Variants in DOCK2 observed in about 807,000 individuals in gnomAD.
DOCK2 encodes dedicator of cytokinesis 2.
Under a neutral mutation model 248.9 loss-of-function variants are expected in DOCK2, and 87 were observed. The ratio of observed to expected loss-of-function variants is 0.35; its 90% CI spans 0.29 to 0.42. The LOEUF is 0.42. Ranked by LOEUF, DOCK2 falls within the 10% of genes least tolerant of loss-of-function variation. The pLI is 1.00. For synonymous variants in DOCK2, 805 were observed against 821.6 expected, an observed-to-expected ratio of 0.98 and a Z score of 0.35; for missense variants, 1,747 against 2,300.2, an observed-to-expected ratio of 0.76 and a Z score of 4.92.
chr5:169,927,145 G>T (rs1277400007), intron 27 of DOCK2, among the ~76,000 whole-genome samples: 6 of 152,222 alleles, frequency 3.9e-5, no homozygotes, highest in African/African-American at 7.2e-5. Context: ...GCAAACATTT[G>T]CAAAAGTTCA....
At chr5:169,979,981 C>A (rs1367442898) in intron 27 of DOCK2, among the ~76,000 whole-genome samples, 2 of 152,182 alleles carry the variant, frequency 1.3e-5, no homozygotes, top group Non-Finnish European at 2.9e-5. Flanking sequence ...CTTTTCAAGG[C>A]AATTCCAGGC....
chr5:169,754,357 CTCT>C (rs1164284727), intron 23 of DOCK2, among the ~76,000 whole-genome samples: 2 of 152,174 alleles, frequency 1.3e-5, no homozygotes, highest in African/African-American at 2.4e-5. Context: ...GGGTTTGATT[CTCT>C]TCTTGAGGGA....
At chr5:169,749,367 C>A (rs1283722598) in intron 23 of DOCK2, among the ~76,000 whole-genome samples, 2 of 152,044 alleles carry the variant, frequency 1.3e-5, no homozygotes, top group Non-Finnish European at 2.9e-5. Flanking sequence ...ACAAGAAGAA[C>A]CTGGGTAAAA....
intron 26 of DOCK2, among the ~76,000 whole-genome samples, chr5:169,839,105 C>T (rs1404918061): frequency 1.3e-5 from 2 of 152,164 alleles, no homozygotes; most frequent in Admixed American, 6.5e-5. Flanking sequence ...CAGCCACTAT[C>T]GATTTAGCAC....
chr5:169,856,078 A>G (rs1437632920), intron 27 of DOCK2, among the ~76,000 whole-genome samples: 2 of 152,168 alleles, frequency 1.3e-5, no homozygotes, highest in Non-Finnish European at 2.9e-5. Context: ...CTATCATGAG[A>G]ACAGCCTGGG....
At chr5:169,993,739 T>C (rs1415339523) in intron 29 of DOCK2, among the ~76,000 whole-genome samples, 24 of 152,204 alleles carry the variant, frequency 1.6e-4, no homozygotes, top group Non-Finnish European at 2.9e-5. Flanking sequence ...GCAGCTTCAG[T>C]GAGGCTTTCC....
At chr5:169,864,302 C>T (rs768005787) in intron 27 of DOCK2, 3 of 1,551,664 alleles carry the variant, frequency 1.9e-6, no homozygotes, top group Non-Finnish European at 1.7e-6. Context: ...TTCTTTTTCA[C>T]CTTCTTGGTT....
At chr5:169,677,965 C>T (rs1262874985) in intron 6 of DOCK2, among the ~76,000 whole-genome samples, 1 of 152,150 alleles carries the variant, frequency 6.6e-6, no homozygotes, top group African/African-American at 2.4e-5. Flanking sequence ...GAGTTATGGT[C>T]CACCTGGAGC....
intron 27 of DOCK2, among the ~76,000 whole-genome samples, chr5:169,894,853 C>T (rs1038661207): frequency 9.9e-5 from 15 of 152,128 alleles, no homozygotes; most frequent in African/African-American, 3.6e-4. Flanking sequence ...TGTGGCAAAT[C>T]TCAAGTAACA....
intron 30 of DOCK2, among the ~76,000 whole-genome samples, chr5:170,005,782 G>A (rs114963515): frequency 0.011 from 1,694 of 152,134 alleles, 29 homozygotes; most frequent in African/African-American, 0.037. Flanking sequence ...GGATGACAGA[G>A]AAAATGCTTT....
chr5:169,987,351 A>G (rs1206714340), intron 29 of DOCK2, among the ~76,000 whole-genome samples: 2 of 152,208 alleles, frequency 1.3e-5, no homozygotes, highest in Non-Finnish European at 2.9e-5. Context: ...TCAGGCTTGG[A>G]TTTCATGACC....
rs190434875 is a variant in DOCK2 at position 169,851,932 on chromosome 5, G to A, written c.2799+11080G>A. Among the ~76,000 whole-genome samples, 61 of 152,264 alleles carry A rather than the reference G, an allele frequency of 4.0e-4. 1 individual carries two copies. Among genetic ancestry groups the A allele is most frequent in the Admixed American group, 3.2e-3 (49 of 15,284 alleles). The stretch of plus-strand genomic sequence containing the variant: ...ATGGGGATTATGGGGATTACAATTC[G>A]AGATGAGATTTGGGTGGGGACACAG... On this transcript the variant is annotated intron_variant, in intron 27 of 51. Coordinates refer to ENST00000520908, the MANE Select transcript of DOCK2 (RefSeq NM_004946.3).
intron 34 of DOCK2, among the ~76,000 whole-genome samples, chr5:170,034,065 A>G (rs76764721): frequency 0.082 from 12,505 of 152,270 alleles, 646 homozygotes; most frequent in Non-Finnish European, 0.12. Context: ...GTCAGAGGAT[A>G]TGTGCATTTA....
intron 7 of DOCK2, among the ~76,000 whole-genome samples, chr5:169,682,809 C>G (rs547589212): frequency 8.1e-4 from 124 of 152,288 alleles, no homozygotes; most frequent in African/African-American, 2.6e-3. Flanking sequence ...TGCTCCTTCT[C>G]CAGCCCCAAG....
chr5:169,856,059 T>A (rs1204372831), intron 27 of DOCK2, among the ~76,000 whole-genome samples: 2 of 152,014 alleles, frequency 1.3e-5, no homozygotes, highest in East Asian at 3.9e-4. Context: ...TCTCATGAGA[T>A]CTCACTTGCT....
At chr5:169,974,379 G>C (rs1777638157) in intron 27 of DOCK2, among the ~76,000 whole-genome samples, 1 of 152,096 alleles carries the variant, frequency 6.6e-6, no homozygotes, top group Non-Finnish European at 1.5e-5. Context: ...TCTTTCTTCT[G>C]GTTTTTTCTT....
chr5:169,761,383 C>G, intron 24 of DOCK2, 136 bp from the exon 25 acceptor site: 2 of 675,186 alleles, frequency 3.0e-6, no homozygotes, highest in Non-Finnish European at 5.2e-6. Context: ...TTACTGAAGG[C>G]TTACCTTGCA....
intron 45 of DOCK2, among the ~76,000 whole-genome samples, chr5:170,068,322 G>C (rs1484706199): frequency 3.9e-5 from 6 of 152,200 alleles, no homozygotes; most frequent in African/African-American, 1.2e-4. Context: ...ATACGTAGCT[G>C]TTCTTGGCAT....
chr5:170,017,046 C>T (rs1755561517), intron 32 of DOCK2, among the ~76,000 whole-genome samples: 1 of 152,202 alleles, frequency 6.6e-6, no homozygotes, highest in South Asian at 2.1e-4. Context: ...ATTTCATTCT[C>T]ACTAACTGAG....
Sources: allele counts gnomAD v4.1 joint callset (sites outside exome capture counted in the v4.1 genomes callset), GRCh38; gene constraint gnomAD v4.1.1; transcripts MANE v1.5; gene names NCBI Gene and HGNC (gene_info 2026-07-23, HGNC 2026-07-21).